Variants in FAM13C observed in about 807,000 individuals in gnomAD.
The protein encoded by FAM13C is family with sequence similarity 13 member C, also known as protein FAM13C.
In FAM13C, 37 loss-of-function variants were observed where a neutral mutation model predicts 73.2. The ratio of observed to expected loss-of-function variants is 0.51; its 90% CI spans 0.39 to 0.67. FAM13C has a LOEUF of 0.67. FAM13C is among the 30% of genes least tolerant of loss of function. FAM13C has a pLI of 0.00. For synonymous variants in FAM13C, 246 were observed against 260.9 expected, an observed-to-expected ratio of 0.94 and a Z score of 0.55; for missense variants, 589 against 715.6, an observed-to-expected ratio of 0.82 and a Z score of 2.02.
chr10:59,307,530 A>G (rs906128735), intron 4 of FAM13C, among the ~76,000 whole-genome samples: 1 of 152,186 alleles, frequency 6.6e-6, no homozygotes, highest in African/African-American at 2.4e-5. Context: ...TAATAGGAGA[A>G]AGGGTAGTTA....
intron 4 of FAM13C, among the ~76,000 whole-genome samples, chr10:59,317,009 T>C (rs961755390): frequency 1.3e-5 from 2 of 152,186 alleles, no homozygotes; most frequent in Admixed American, 1.3e-4. Flanking sequence ...TGTATGTATG[T>C]ATACATCTAT....
chr10:59,254,275 C>T (rs759889169), intron 11 of FAM13C, 73 bp downstream of exon 11: 2 of 1,018,878 alleles, frequency 2.0e-6, no homozygotes, highest in Admixed American at 4.7e-5. Flanking sequence ...TTTTATAACT[C>T]TTGTACTACT....
At chr10:59,336,663 A>G (rs939267684) in intron 3 of FAM13C, among the ~76,000 whole-genome samples, 4 of 152,222 alleles carry the variant, frequency 2.6e-5, no homozygotes, top group African/African-American at 2.4e-5. Context: ...TCTCCCTCCA[A>G]TGGGAAATTC....
At chr10:59,252,153 T>C (rs1179776106) in intron 12 of FAM13C, among the ~76,000 whole-genome samples, 1 of 152,120 alleles carries the variant, frequency 6.6e-6, no homozygotes, top group African/African-American at 2.4e-5. Context: ...AAGCGATAGT[T>C]ACATTGCAAA....
chr10:59,284,703 C>G (rs540399834), intron 5 of FAM13C, among the ~76,000 whole-genome samples: 23 of 151,270 alleles, frequency 1.5e-4, no homozygotes, highest in African/African-American at 5.6e-4. Context: ...CCCCCATACT[C>G]TCATCCCTAC....
intron 4 of FAM13C, among the ~76,000 whole-genome samples, chr10:59,318,092 G>C (rs1849757332): frequency 1.3e-5 from 2 of 151,814 alleles, no homozygotes; most frequent in African/African-American, 4.8e-5. Flanking sequence ...AAGATAACAA[G>C]TCATTTTTAC....
intron 10 of FAM13C, among the ~76,000 whole-genome samples, chr10:59,260,421 A>G (rs1842387209): frequency 6.6e-6 from 1 of 152,136 alleles, no homozygotes; most frequent in Non-Finnish European, 1.5e-5. Context: ...AAACCTGAGA[A>G]TTCAAAGTGC....
chr10:59,360,989 T>C (rs1856338788), intron 1 of FAM13C: 6 of 1,275,670 alleles, frequency 4.7e-6, no homozygotes, highest in Non-Finnish European at 6.1e-6. Context: ...AGAAAGCACT[T>C]AGTACTTTAA....
intron 4 of FAM13C, among the ~76,000 whole-genome samples, chr10:59,317,091 G>A (rs1205261911): frequency 6.6e-6 from 1 of 150,566 alleles, no homozygotes; most frequent in Non-Finnish European, 1.5e-5. Context: ...GGGTTGAGTA[G>A]GAGCTCTGTG....
At chr10:59,275,542 C>A (rs1844229339) in intron 6 of FAM13C, among the ~76,000 whole-genome samples, 1 of 152,178 alleles carries the variant, frequency 6.6e-6, no homozygotes, top group Admixed American at 6.5e-5. Flanking sequence ...ATATAGGAAA[C>A]CTGTGTGCAG....
At chr10:59,308,462 C>T (rs1244700920) in intron 4 of FAM13C, among the ~76,000 whole-genome samples, 2 of 151,642 alleles carry the variant, frequency 1.3e-5, no homozygotes. Flanking sequence ...ATCACCATTG[C>T]CACCATCACT....
chr10:59,352,278 C>A lies in FAM13C; in HGVS notation c.316G>T (p.Glu106Ter). The change falls in exon 3 of 14, where the codon GAA (glutamate) becomes TAA (stop). Residue 106 changes from glutamate (E) to a stop codon, truncating the protein, a stop_gained. Transcript: ENST00000618804. LOFTEE classifies it high-confidence loss of function. ...GAAGAGAGAGCTGCTACCTGACTTT[C>A]TCCGTGGCTCCTCCCGCTCTCCGCT... ...FKAESGRSHGESQETEHVVSS... is the reference protein window; with the variant it reads ...FKAESGRSHG 1 of 1,613,824 alleles carries A rather than the reference C, an allele frequency of 6.2e-7. No homozygotes were observed. Among genetic ancestry groups the A allele is most frequent in the Non-Finnish European group, 8.5e-7 (1 of 1,179,960 alleles).
intron 4 of FAM13C, among the ~76,000 whole-genome samples, chr10:59,320,479 C>G (rs951139572): frequency 6.6e-6 from 1 of 152,088 alleles, no homozygotes; most frequent in Non-Finnish European, 1.5e-5. Context: ...GAAGAGCAAG[C>G]CAGCTTGGAA....
intron 3 of FAM13C, among the ~76,000 whole-genome samples, chr10:59,325,553 C>T (rs1850986907): frequency 6.6e-6 from 1 of 152,080 alleles, no homozygotes; most frequent in African/African-American, 2.4e-5. Context: ...CTACAGCTAC[C>T]AAAATACTGG....
intron 3 of FAM13C, among the ~76,000 whole-genome samples, chr10:59,325,709 T>G (rs1452276329): frequency 6.6e-6 from 1 of 152,124 alleles, no homozygotes; most frequent in Admixed American, 6.6e-5. Context: ...ATTCCACAAG[T>G]GCCTGCCAAT....
chr10:59,319,955 T>A (rs527794192), intron 4 of FAM13C, among the ~76,000 whole-genome samples: 1 of 152,130 alleles, frequency 6.6e-6, no homozygotes, highest in Non-Finnish European at 1.5e-5. Context: ...CATCACCATA[T>A]GATAAGACAT....
At chr10:59,283,036 T>C (rs1332592489) in intron 6 of FAM13C, among the ~76,000 whole-genome samples, 8 of 152,074 alleles carry the variant, frequency 5.3e-5, no homozygotes, top group African/African-American at 1.7e-4. Context: ...TCCAGTAATA[T>C]AAAATAAGCA....
chr10:59,267,816 T>A (rs1024986671), intron 8 of FAM13C, among the ~76,000 whole-genome samples: 2 of 152,190 alleles, frequency 1.3e-5, no homozygotes, highest in Non-Finnish European at 1.5e-5. Context: ...TATTCTGAGC[T>A]CTCTGCCGAA....
intron 10 of FAM13C, among the ~76,000 whole-genome samples, chr10:59,261,665 T>C (rs1842518597): frequency 6.6e-6 from 1 of 151,962 alleles, no homozygotes; most frequent in Non-Finnish European, 1.5e-5. Flanking sequence ...TAGTTAGAGC[T>C]GTGATAGGGT....
Sources: gnomAD v4.1 joint callset for allele counts (sites outside exome capture counted in the v4.1 genomes callset) on GRCh38, gnomAD v4.1.1 for gene constraint, MANE v1.5 for transcripts, NCBI Gene and HGNC (gene_info 2026-07-23, HGNC 2026-07-21) for gene names.